Variants in HNMT observed in about 807,000 individuals in gnomAD.
HNMT encodes histamine N-methyltransferase.
A neutral mutation model predicts 32.1 loss-of-function variants in HNMT; 30 were observed. That is an observed-to-expected ratio of 0.93 (90% CI 0.70 to 1.27). The LOEUF (loss-of-function observed/expected upper bound fraction) is 1.27. Among genes scored for constraint, HNMT ranks in the 50% most tolerant of loss-of-function variants. The pLI, the probability that HNMT is intolerant of heterozygous loss-of-function variation, is 0.00. For synonymous variants in HNMT, 125 were observed against 119.0 expected (o/e 1.05, Z -0.33); for missense variants, 327 against 346.0 (o/e 0.95, Z 0.43).
chr2:137,980,279 C>T (rs1172334552), intron 2 of HNMT, among the ~76,000 whole-genome samples: 2 of 152,144 alleles, frequency 1.3e-5, no homozygotes. Flanking sequence ...CCTCATGATC[C>T]TCCCATCTCG....
chr2:137,991,587 T>C (rs1374634365), intron 2 of HNMT, among the ~76,000 whole-genome samples: 1 of 152,148 alleles, frequency 6.6e-6, no homozygotes, highest in Admixed American at 6.5e-5. Context: ...ACAAGGGCTA[T>C]GGGAATCATA....
chr2:138,012,531 T>C (rs917369519), intron 5 of HNMT, among the ~76,000 whole-genome samples: 1 of 152,154 alleles, frequency 6.6e-6, no homozygotes, highest in Non-Finnish European at 1.5e-5. Flanking sequence ...TTTGAGTAAA[T>C]CACCATTTAC....
At chr2:137,994,228 A>G (rs1680913851) in intron 2 of HNMT, among the ~76,000 whole-genome samples, 1 of 152,202 alleles carries the variant, frequency 6.6e-6, no homozygotes. Context: ...AGTCTGACAA[A>G]TCGGATAAAG....
Position 137,994,527 on chromosome 2 carries a change from G to GT in HNMT, c.191-6386dup, listed in dbSNP as rs377013221. Among the ~76,000 whole-genome samples the GT allele has an allele frequency of 6.0e-3, 921 of 152,268 alleles. 10 individuals carry two copies. Among genetic ancestry groups the GT allele is most frequent in the African/African-American group, 0.021 (859 of 41,556 alleles). On this transcript the variant is annotated intron_variant, in intron 2 of 5. Transcript: ENST00000280097. ...AAGAGCACCCAGATTCATAAAACAAGTTTTTAGAGACCTACAAAGAGAGGT... is the reference window on the plus strand; with the variant it reads ...AAGAGCACCCAGATTCATAAAACAAGTTTTTTAGAGACCTACAAAGAGAGGT...
At position 138,016,265 on chromosome 2, in the gene HNMT, T is replaced by C. The variant is rs774279597; in HGVS notation, c.*2135T>C. 6.6e-6 allele frequency: 1 copy of C among 152,202 alleles called. No individual in the cohort carries two copies. Among genetic ancestry groups the C allele is most frequent in the Non-Finnish European group, 1.5e-5 (1 of 68,030 alleles). 9.4% of individuals were successfully genotyped at this position (152,202 alleles called of 1,614,324 possible). ...GCGGGATCAATGAATTATTTCCTTC[T>C]CAAACATTTATCTTATACCTTGTGT... On this transcript the variant is annotated 3_prime_UTR_variant, in exon 6 of 6. Coordinates refer to ENST00000280097, the MANE Select transcript of HNMT (RefSeq NM_006895.3).
intron 1 of HNMT, chr2:137,967,787 T>C (rs888507643): frequency 2.6e-5 from 4 of 152,250 alleles, no homozygotes; most frequent in Non-Finnish European, 4.4e-5. Flanking sequence ...TATTATATTT[T>C]TAATTTCCAA....
Position 138,016,213 on chromosome 2 carries a change from C to T in HNMT, c.*2083C>T, listed in dbSNP as rs997339700. On this transcript the variant is annotated 3_prime_UTR_variant, in exon 6 of 6. Coordinates refer to ENST00000280097, the MANE Select transcript of HNMT (RefSeq NM_006895.3). Reference sequence around the variant, plus strand: ...GGATCTCTCAGTGTTTAACATGGTGCCTTGCATATGGTAAATGCTAAGTAA... The same window carrying T: ...GGATCTCTCAGTGTTTAACATGGTGTCTTGCATATGGTAAATGCTAAGTAA... The T allele has an allele frequency of 2.6e-5, 4 of 151,996 alleles. No individual in the cohort carries two copies. Among genetic ancestry groups the T allele is most frequent in the East Asian group, 1.9e-4 (1 of 5,180 alleles). 9.4% of individuals were successfully genotyped at this position (151,996 alleles called of 1,614,324 possible).
rs1003690772 is a variant in HNMT at position 138,015,064 on chromosome 2, C to T, written c.*934C>T. On this transcript the variant is annotated 3_prime_UTR_variant, in exon 6 of 6. Transcript: ENST00000280097. ...CTAGGAATTGGGTAAATGCAAGGTT[C>T]TAGAAAACCTTCAATGCATTTTGAT... The T allele has an allele frequency of 3.3e-5, 5 of 151,948 alleles. No homozygotes were observed. Among genetic ancestry groups the T allele is most frequent in the African/African-American group, 9.7e-5 (4 of 41,392 alleles). 9.4% of individuals were successfully genotyped at this position (151,948 alleles called of 1,614,324 possible).
intron 2 of HNMT, among the ~76,000 whole-genome samples, chr2:137,990,568 G>A (rs1680787600): frequency 6.6e-6 from 1 of 151,914 alleles, no homozygotes; most frequent in African/African-American, 2.4e-5. Context: ...GCAGATTATG[G>A]GTATAAATTA....
chr2:137,975,495 T>G (rs1203271896), intron 2 of HNMT, among the ~76,000 whole-genome samples: 2 of 152,202 alleles, frequency 1.3e-5, no homozygotes, highest in Non-Finnish European at 2.9e-5. Flanking sequence ...CTCTTCCTTT[T>G]AACATAGTGA....
At chr2:138,011,528 AGT>A (rs1681503655) in intron 5 of HNMT, among the ~76,000 whole-genome samples, 1 of 152,014 alleles carries the variant, frequency 6.6e-6, no homozygotes, top group South Asian at 2.1e-4. Flanking sequence ...TCATCTCTTG[AGT>A]TAAATTAGAT....
Position 138,005,185 on chromosome 2 carries a change from C to G in HNMT, c.483C>G (p.Leu161=). ...CTACCCTGAAATTCTTCCATAGTCT[C>G]TTAGGTACCAATGCTAAGATGCTCA... The part of the protein sequence containing the change: ...IPATLKFFHS[L]LGTNAKMLII... Residue 161 remains leucine, a synonymous_variant, in exon 5 of 6, where the codon CTC becomes CTG. Coordinates refer to ENST00000280097, the MANE Select transcript of HNMT (RefSeq NM_006895.3). The G allele has an allele frequency of 6.2e-7, 1 of 1,604,724 alleles. No individual in the cohort carries two copies. Among genetic ancestry groups the G allele is most frequent in the Non-Finnish European group, 8.5e-7 (1 of 1,172,050 alleles).
chr2:137,972,580 G>A (rs191009433), intron 2 of HNMT, among the ~76,000 whole-genome samples: 127 of 152,060 alleles, frequency 8.4e-4, no homozygotes, highest in African/African-American at 3.0e-3. Context: ...ATACCATAGA[G>A]GGTATTTAAG....
rs1028898131 is a variant in HNMT, at chr2:138,016,214, C to T, written c.*2084C>T. 1 of 151,978 alleles carries T rather than the reference C, an allele frequency of 6.6e-6. No individual in the cohort carries two copies. The highest frequency in any genetic ancestry group is 2.4e-5 in the African/African-American group (1 of 41,372). The allele number at this position is 151,978 out of a possible 1,614,324, so 9.4% of individuals were successfully genotyped here. On this transcript the variant is annotated 3_prime_UTR_variant, in exon 6 of 6. Coordinates refer to ENST00000280097, the MANE Select transcript of HNMT (RefSeq NM_006895.3). ...GATCTCTCAGTGTTTAACATGGTGC[C>T]TTGCATATGGTAAATGCTAAGTAAA...
intron 4 of HNMT, among the ~76,000 whole-genome samples, chr2:138,003,240 T>TA (rs139083837): frequency 0.056 from 8,458 of 151,368 alleles, 754 homozygotes; most frequent in African/African-American, 0.19. Flanking sequence ...ATAATAATAA[T>TA]AATAATAAAA....
rs1298991457 is a variant in HNMT, at chr2:137,978,782, T to C, written c.190+8565T>C. Among the ~76,000 whole-genome samples the C allele has an allele frequency of 6.5e-5, 9 of 139,296 alleles. No homozygotes were observed. The South Asian group carries it at 9.2e-4, about 14-fold the overall frequency. The allele number at this position is 139,296 out of a possible 152,430, so 91.4% of individuals were successfully genotyped here. A position where few individuals can be genotyped will look rare whatever the true frequency, so the allele number is the denominator to read the frequency against. On this transcript the variant is annotated intron_variant, in intron 2 of 5. Transcript: ENST00000280097. Reference sequence around the variant, plus strand: ...TATGATTATATAATATAGTATTATATAATACTTTATAATTATGTAATATAG... The same window carrying C: ...TATGATTATATAATATAGTATTATACAATACTTTATAATTATGTAATATAG...
intron 2 of HNMT, among the ~76,000 whole-genome samples, chr2:137,977,265 C>A (rs980983964): frequency 6.6e-6 from 1 of 152,096 alleles, no homozygotes; most frequent in Admixed American, 6.6e-5. Context: ...TGTAATTTTG[C>A]TGAAGGGCAA....
At position 138,014,176 on chromosome 2, in the gene HNMT, C is replaced by T. The variant is rs1477500858; in HGVS notation, c.*46C>T. The T allele has an allele frequency of 4.3e-6, 5 of 1,159,580 alleles. No individual in the cohort carries two copies. In the South Asian group the frequency reaches 4.5e-5, roughly 10 times the overall value. 71.8% of individuals were successfully genotyped at this position (1,159,580 alleles called of 1,614,324 possible). A position where few individuals can be genotyped will look rare whatever the true frequency, so the allele number is the denominator to read the frequency against. On this transcript the variant is annotated 3_prime_UTR_variant, in exon 6 of 6. Transcript: ENST00000280097. ...TTCAAAAATTATATTTTGAACAACT[C>T]GAATCACTCATTTATTTCCATATTA...
intron 2 of HNMT, among the ~76,000 whole-genome samples, chr2:137,978,895 G>C (rs189934916): frequency 0.021 from 2,876 of 138,638 alleles, 91 homozygotes; most frequent in African/African-American, 0.071. Flanking sequence ...ATAGTATAAA[G>C]TATACTCCAT....
Sources: gnomAD v4.1 joint callset for allele counts (sites outside exome capture counted in the v4.1 genomes callset) on GRCh38, gnomAD v4.1.1 for gene constraint, MANE v1.5 for transcripts, NCBI Gene and HGNC (gene_info 2026-07-23, HGNC 2026-07-21) for gene names.